The following RBM47 variants were observed in gnomAD, a reference collection of about 807,000 sequenced individuals.
The protein encoded by RBM47 is RNA binding motif protein 47.
In RBM47, 21 loss-of-function variants were observed where a neutral mutation model predicts 47.1. The observed-to-expected ratio is 0.45, with a 90% CI of 0.32 to 0.64. RBM47 has a LOEUF of 0.64. RBM47 is among the 30% of genes least tolerant of loss of function. The pLI, the probability that RBM47 is intolerant of heterozygous loss-of-function variation, is 0.05. For synonymous variants in RBM47, 375 were observed against 361.7 expected (o/e 1.04, Z -0.42); for missense variants, 708 against 870.9 (o/e 0.81, Z 2.35).
intron 2 of RBM47, among the ~76,000 whole-genome samples, chr4:40,526,934 G>A (rs1227282433): frequency 6.6e-6 from 1 of 151,212 alleles, no homozygotes; most frequent in Non-Finnish European, 1.5e-5. Context: ...AGCATTGACT[G>A]GTGACTGCTG....
chr4:40,496,051 T>C (rs1489901706), intron 2 of RBM47, among the ~76,000 whole-genome samples: 1 of 152,202 alleles, frequency 6.6e-6, no homozygotes. Context: ...CATCTTTCTA[T>C]TCCCTTTTAT....
At chr4:40,595,071 C>T (rs1478722890) in intron 1 of RBM47, among the ~76,000 whole-genome samples, 7 of 152,164 alleles carry the variant, frequency 4.6e-5, no homozygotes, top group African/African-American at 1.7e-4. Context: ...TTGAACCTTA[C>T]CACTATGCTA....
intron 2 of RBM47, among the ~76,000 whole-genome samples, chr4:40,498,678 A>G (rs1355214694): frequency 2.0e-5 from 3 of 151,594 alleles, no homozygotes; most frequent in Non-Finnish European, 4.4e-5. Flanking sequence ...CTCAAAAAAA[A>G]AAAAAAAAAA....
chr4:40,441,048 C>G (rs1713547142), intron 3 of RBM47, among the ~76,000 whole-genome samples: 1 of 152,032 alleles, frequency 6.6e-6, no homozygotes, highest in Non-Finnish European at 1.5e-5. Context: ...CTCCAGTTAT[C>G]ATGAAATTTT....
chr4:40,439,776 T>C (rs1043172937), intron 3 of RBM47, among the ~76,000 whole-genome samples: 4 of 152,212 alleles, frequency 2.6e-5, no homozygotes, highest in African/African-American at 9.6e-5. Flanking sequence ...TTAGGTTGAG[T>C]AAACTGCCCC....
In RBM47 at chr4:40,438,539, A is replaced by T; in HGVS notation, c.355T>A (p.Cys119Ser). Residue 119 changes from cysteine (C) to serine (S), a missense_variant, in exon 4 of 7, where the codon TGC (cysteine) becomes AGC (serine). Transcript: ENST00000295971. ...GCGCGCTTGGCCTCGTGCTTGTGGC[A>T]GTACATGACGAAGGCGTAGCCGCGG... is the stretch of plus-strand genomic sequence containing the variant. ...KNRGYAFVMYCHKHEAKRAVR... is the reference protein window; with the variant it reads ...KNRGYAFVMYSHKHEAKRAVR... The T allele has an allele frequency of 6.2e-7, 1 of 1,613,694 alleles. No homozygotes were observed. The highest frequency in any genetic ancestry group is 8.5e-7 in the Non-Finnish European group (1 of 1,179,872).
At chr4:40,593,191 G>T (rs1201111016) in intron 1 of RBM47, among the ~76,000 whole-genome samples, 2 of 148,548 alleles carry the variant, frequency 1.3e-5, no homozygotes, top group Admixed American at 6.7e-5. Flanking sequence ...GTAGAGACGG[G>T]GTTTCACCGT....
intron 1 of RBM47, among the ~76,000 whole-genome samples, chr4:40,616,060 C>T (rs544381444): frequency 6.6e-6 from 1 of 152,032 alleles, no homozygotes; most frequent in Non-Finnish European, 1.5e-5. Flanking sequence ...CTTTTTAAAA[C>T]ATCACTTCTT....
In RBM47 at chr4:40,600,985, C is replaced by CAAAA. The variant is rs56054491; in HGVS notation, c.-240+28407_-240+28410dup. On this transcript the variant is annotated intron_variant, in intron 1 of 6. Coordinates refer to ENST00000295971, the MANE Select transcript of RBM47 (RefSeq NM_001098634.2). ...AGGCAACAAGAGTGAAACTCCGTCT[C>CAAAA]AAAAAAAAAAAAAAAAAGAAAGAAG... Among the ~76,000 whole-genome samples, 77 of 50,102 alleles carry CAAAA rather than the reference C, an allele frequency of 1.5e-3. 5 individuals are homozygous for CAAAA. In the East Asian group the frequency reaches 0.033, roughly 21 times the overall value. The allele number at this position is 50,102 out of a possible 152,430, so 32.9% of individuals were successfully genotyped here.
rs1737913826 is a variant in RBM47 at position 40,628,194 on chromosome 4, T to C, written c.-240+1202A>G. On this transcript the variant is annotated intron_variant, in intron 1 of 6. Transcript: ENST00000295971. The surrounding 1 kb of genome is among the most constrained non-coding windows in gnomAD (Gnocchi z 4.0). ...CAACAGTGTGTATATCAGAACAAGGTGAAGGGTAAAGCAGACCAGAAAAAA... is the reference window on the plus strand; with the variant it reads ...CAACAGTGTGTATATCAGAACAAGGCGAAGGGTAAAGCAGACCAGAAAAAA... Among the ~76,000 whole-genome samples, 1 of 152,178 alleles carries C rather than the reference T, an allele frequency of 6.6e-6. No homozygotes were observed. Among genetic ancestry groups the C allele is most frequent in the Non-Finnish European group, 1.5e-5 (1 of 68,024 alleles).
At chr4:40,481,448 T>G (rs1289736554) in intron 2 of RBM47, among the ~76,000 whole-genome samples, 1 of 77,090 alleles carries the variant, frequency 1.3e-5, no homozygotes, top group Non-Finnish European at 2.3e-5. Context: ...AATTTTTGTA[T>G]TATTATTATT....
At chr4:40,437,113 A>AAAATAC (rs1466969919) in intron 4 of RBM47, among the ~76,000 whole-genome samples, 1 of 71,720 alleles carries the variant, frequency 1.4e-5, no homozygotes, top group African/African-American at 9.1e-5. Context: ...ATATATATAA[A>AAAATAC]ATACATATAT....
intron 6 of RBM47, 65 bp from the exon 7 acceptor site, chr4:40,426,208 A>G (rs1715018149): frequency 6.5e-7 from 1 of 1,548,812 alleles, no homozygotes; most frequent in Non-Finnish European, 8.7e-7. Flanking sequence ...CCATTCATTC[A>G]ACAAGCCTCT....
chr4:40,483,903 T>C (rs1720753274), intron 2 of RBM47, among the ~76,000 whole-genome samples: 1 of 152,234 alleles, frequency 6.6e-6, no homozygotes, highest in Non-Finnish European at 1.5e-5. Flanking sequence ...TTAGCAATGA[T>C]GTTATTATAA....
intron 2 of RBM47, among the ~76,000 whole-genome samples, chr4:40,496,287 T>G (rs1008916298): frequency 6.6e-6 from 1 of 151,882 alleles, no homozygotes; most frequent in African/African-American, 2.4e-5. Flanking sequence ...TTCCAAACTG[T>G]CACTTGGTCT....
chr4:40,498,054 T>TTATATATATATATATATATATA lies in RBM47; in HGVS notation c.-154-31377_-154-31356dup, dbSNP rs6148409. Among the ~76,000 whole-genome samples the TTATATATATATATATATATATA allele has an allele frequency of 6.0e-3, 657 of 109,622 alleles. 13 individuals are homozygous for TTATATATATATATATATATATA. The highest frequency in any genetic ancestry group is 0.012 in the East Asian group (51 of 4,136). 71.9% of individuals were successfully genotyped at this position (109,622 alleles called of 152,430 possible). On this transcript the variant is annotated intron_variant, in intron 2 of 6. Coordinates refer to ENST00000295971, the MANE Select transcript of RBM47 (RefSeq NM_001098634.2). ...TGCAAATAAAATGTAAGTGCTTGTT[T>TTATATATATATATATATATATA]TATATATATATATATATATATATAT...
At chr4:40,581,285 G>T (rs1224867643) in intron 1 of RBM47, among the ~76,000 whole-genome samples, 1 of 152,004 alleles carries the variant, frequency 6.6e-6, no homozygotes, top group African/African-American at 2.4e-5. Context: ...AGCTGAGCAT[G>T]GTGACATGCG....
intron 1 of RBM47, among the ~76,000 whole-genome samples, chr4:40,621,253 G>A (rs1031144048): frequency 6.6e-6 from 1 of 152,160 alleles, no homozygotes; most frequent in African/African-American, 2.4e-5. Context: ...GTGAATTATG[G>A]ATCTAAACAA....
chr4:40,538,328 G>GTTTTTTTTT (rs34309510), intron 2 of RBM47, among the ~76,000 whole-genome samples: 1 of 125,808 alleles, frequency 7.9e-6, no homozygotes, highest in African/African-American at 3.1e-5. Flanking sequence ...TATTGGTATT[G>GTTTTTTTTT]TTTTTTTTTT....
Sources: allele counts gnomAD v4.1 joint callset (sites outside exome capture counted in the v4.1 genomes callset), GRCh38; gene constraint gnomAD v4.1.1; non-coding constraint Gnocchi (gnomAD v3.1); transcripts MANE v1.5; gene names NCBI Gene and HGNC (gene_info 2026-07-23, HGNC 2026-07-21).